Variants in ADGRL2 observed in about 807,000 individuals in gnomAD.
ADGRL2 encodes calcium-independent alpha-latrotoxin receptor 2.
A neutral mutation model predicts 157.4 loss-of-function variants in ADGRL2; 44 were observed. The observed-to-expected ratio is 0.28, with a 90% CI of 0.22 to 0.36. The LOEUF is 0.36. Among genes scored for constraint, ADGRL2 ranks in the 10% least tolerant of loss-of-function variants. The pLI is 1.00. For synonymous variants in ADGRL2, 585 were observed against 624.7 expected (o/e 0.94, Z 0.95); for missense variants, 1,510 against 1,768.9 (o/e 0.85, Z 2.63).
At chr1:81,573,682 C>A (rs1570541906) in intron 2 of ADGRL2, among the ~76,000 whole-genome samples, 1 of 152,084 alleles carries the variant, frequency 6.6e-6, no homozygotes, top group African/African-American at 2.4e-5. Context: ...CTATCCCGTA[C>A]AAAGTGGTTT....
intron 2 of ADGRL2, among the ~76,000 whole-genome samples, chr1:81,470,432 G>A (rs1462355968): frequency 2.0e-5 from 3 of 152,028 alleles, no homozygotes; most frequent in Non-Finnish European, 4.4e-5. Flanking sequence ...GTACCCAGCT[G>A]TTCCTCTTCC....
intron 3 of ADGRL2, among the ~76,000 whole-genome samples, chr1:81,644,907 AC>A (rs1427336420): frequency 1.3e-5 from 2 of 152,018 alleles, no homozygotes; most frequent in African/African-American, 4.8e-5. Context: ...AATCACTTAG[AC>A]CCCTTGTAGC....
At chr1:81,504,990 G>A in intron 2 of ADGRL2, 1 of 366,942 alleles carries the variant, frequency 2.7e-6, no homozygotes, top group South Asian at 3.1e-5. Flanking sequence ...ATGTTCAGCA[G>A]AACACCACCA....
intron 2 of ADGRL2, among the ~76,000 whole-genome samples, chr1:81,491,358 A>G (rs1265216949): frequency 6.6e-6 from 1 of 152,118 alleles, no homozygotes; most frequent in Non-Finnish European, 1.5e-5. Context: ...ATACATCCCA[A>G]TCTGGGTAAT....
At chr1:81,923,498 C>G (rs1465770283) in intron 3 of ADGRL2, among the ~76,000 whole-genome samples, 1 of 152,016 alleles carries the variant, frequency 6.6e-6, no homozygotes, top group East Asian at 1.9e-4. Flanking sequence ...CCTACTTGCT[C>G]TACTGCTCAG....
At chr1:81,622,010 A>T (rs1014012666) in intron 3 of ADGRL2, among the ~76,000 whole-genome samples, 1 of 152,164 alleles carries the variant, frequency 6.6e-6, no homozygotes, top group Non-Finnish European at 1.5e-5. Context: ...TTCAGTTATC[A>T]TTTGAAGTCC....
At chr1:81,840,691 A>T (rs2092540361) in intron 2 of ADGRL2, among the ~76,000 whole-genome samples, 1 of 152,158 alleles carries the variant, frequency 6.6e-6, no homozygotes, top group African/African-American at 2.4e-5. Flanking sequence ...TGTTTCTGTA[A>T]AATAGGATTA....
At chr1:81,356,067 G>A (rs145846327) in intron 1 of ADGRL2, among the ~76,000 whole-genome samples, 7 of 152,174 alleles carry the variant, frequency 4.6e-5, no homozygotes, top group Non-Finnish European at 8.8e-5. Context: ...TTACCCTATC[G>A]GGTAATGATT....
chr1:81,707,319 A>G (rs1351619786), intron 1 of ADGRL2, among the ~76,000 whole-genome samples: 1 of 152,068 alleles, frequency 6.6e-6, no homozygotes, highest in African/African-American at 2.4e-5. Context: ...TTCCCCTAAG[A>G]ATGTCATCTC....
chr1:81,426,831 G>A (rs1471763069), intron 1 of ADGRL2: 8 of 538,156 alleles, frequency 1.5e-5, no homozygotes, highest in Non-Finnish European at 2.8e-5. Context: ...TACCAGTGAA[G>A]AAAAATTTCC....
chr1:81,990,976 A>G lies in ADGRL2; in HGVS notation c.4241A>G (p.Asp1414Gly). 6.2e-7 allele frequency: 1 copy of G among 1,614,090 alleles called. No homozygotes were observed. Among genetic ancestry groups the G allele is most frequent in the Non-Finnish European group, 8.5e-7 (1 of 1,180,002 alleles). ...CCCTCCAGGAGGAGTGAGAATGAGG[A>G]CATTTACTATAAAAGCATGCCAAAT... is the stretch of plus-strand genomic sequence containing the variant. ...LSPSRRSENE[D>G]IYYKSMPNLG... The change falls in exon 24 of 24, where the codon GAC becomes GGC. Residue 1414 changes from aspartate to glycine, a missense_variant. By Grantham distance (94) the Asp-to-Gly change is moderately conservative. Transcript: ENST00000686636.
rs76161146 is a variant in ADGRL2, at chr1:81,381,439, A to C, written c.-301-63597A>C. Among the ~76,000 whole-genome samples the C allele has an allele frequency of 2.6e-3, 394 of 152,286 alleles. 5 individuals are homozygous for C. The East Asian group carries it at 0.03, about 12-fold the overall frequency. ...GAAATAGCCTATAAATTAGCTAGGC[A>C]TGGTGGCACACCTGTAGTCCCAGTT... On this transcript the variant is annotated intron_variant, in intron 1 of 24. Transcript: ENST00000370721.
At chr1:81,918,568 G>T (rs2094911682) in intron 3 of ADGRL2, among the ~76,000 whole-genome samples, 1 of 152,050 alleles carries the variant, frequency 6.6e-6, no homozygotes, top group South Asian at 2.1e-4. Context: ...ATATGAAATA[G>T]AATTTATCAG....
intron 2 of ADGRL2, among the ~76,000 whole-genome samples, chr1:81,864,658 A>G (rs1432684301): frequency 2.0e-5 from 3 of 152,044 alleles, no homozygotes; most frequent in Non-Finnish European, 4.4e-5. Flanking sequence ...TTTCTGTTTT[A>G]CTTTATTTCT....
intron 2 of ADGRL2, among the ~76,000 whole-genome samples, chr1:81,848,591 G>A (rs997779860): frequency 1.3e-5 from 2 of 151,754 alleles, no homozygotes; most frequent in Non-Finnish European, 1.5e-5. Flanking sequence ...ATTATCAAAC[G>A]AGCTAATTAT....
intron 3 of ADGRL2, among the ~76,000 whole-genome samples, chr1:81,688,303 C>A (rs1341742658): frequency 1.3e-5 from 2 of 151,990 alleles, no homozygotes; most frequent in African/African-American, 2.4e-5. Context: ...TCAGGAAAAC[C>A]AATTATTCTT....
chr1:81,838,681 C>T (rs755771936), intron 2 of ADGRL2, among the ~76,000 whole-genome samples: 4 of 151,950 alleles, frequency 2.6e-5, no homozygotes, highest in Non-Finnish European at 5.9e-5. Context: ...CTCATTAGTC[C>T]ACATAATGAA....
At chr1:81,781,719 G>A (rs2086821346) in intron 2 of ADGRL2, among the ~76,000 whole-genome samples, 1 of 152,200 alleles carries the variant, frequency 6.6e-6, no homozygotes, top group Admixed American at 6.5e-5. Flanking sequence ...GCAGGTGCAT[G>A]CAGATAAAGC....
intron 2 of ADGRL2, among the ~76,000 whole-genome samples, chr1:81,775,951 C>T (rs985099825): frequency 1.6e-4 from 24 of 152,058 alleles, no homozygotes; most frequent in Admixed American, 5.9e-4. Flanking sequence ...AAGTGATATA[C>T]GAACTAACTA....
Sources: allele counts gnomAD v4.1 joint callset (sites outside exome capture counted in the v4.1 genomes callset), GRCh38; gene constraint gnomAD v4.1.1; transcripts MANE v1.5; gene names NCBI Gene and HGNC (gene_info 2026-07-23, HGNC 2026-07-21).